The following PPM1H variants were observed in gnomAD, a reference collection of about 807,000 sequenced individuals.
PPM1H encodes the protein protein phosphatase, Mg2+/Mn2+ dependent 1H, also known as protein phosphatase 1H.
A neutral mutation model predicts 54.9 loss-of-function variants in PPM1H; 27 were observed. That is an observed-to-expected ratio of 0.49 (90% CI 0.36 to 0.68). The LOEUF (loss-of-function observed/expected upper bound fraction) is 0.68, where lower values mean the gene tolerates loss of function less well. PPM1H is among the 30% of genes least tolerant of loss of function. PPM1H has a pLI of 0.00. For synonymous variants in PPM1H, 305 were observed against 270.8 expected (o/e 1.13, Z -1.24); for missense variants, 596 against 667.8 (o/e 0.89, Z 1.19).
In PPM1H at chr12:62,647,254, A is replaced by C. The variant is rs1447485883; in HGVS notation, c.*1235T>G. The stretch of plus-strand genomic sequence containing the variant: ...GGGACATGATTCTTTAGAGAAGAGA[A>C]GAGACAGGGAGCACAGCATGAGAAT... On this transcript the variant is annotated 3_prime_UTR_variant, in exon 10 of 10. Coordinates refer to ENST00000228705, the MANE Select transcript of PPM1H (RefSeq NM_020700.2). 1 of 152,272 alleles carries C rather than the reference A, an allele frequency of 6.6e-6. No homozygotes were observed. The highest frequency in any genetic ancestry group is 1.9e-4 in the East Asian group (1 of 5,188). The allele number at this position is 152,272 out of a possible 1,614,324, so 9.4% of individuals were successfully genotyped here.
At position 62,844,268 on chromosome 12, in the gene PPM1H, C is replaced by T. The variant is rs548369935; in HGVS notation, c.246-11989G>A. ...TTAGCAGGGTTCAGCACTTTCTGTA[C>T]AAAGCCAGTATGTAACATTACAGTG... On this transcript the variant is annotated intron_variant, in intron 1 of 9. Coordinates refer to ENST00000228705, the MANE Select transcript of PPM1H (RefSeq NM_020700.2). This position sits in a 1 kb window ranked among gnomAD's most constrained non-coding sequence, Gnocchi z 5.2. Among the ~76,000 whole-genome samples, 10 of 152,242 alleles carry T rather than the reference C, an allele frequency of 6.6e-5. No individual in the cohort carries two copies. Among genetic ancestry groups the T allele is most frequent in the African/African-American group, 2.2e-4 (9 of 41,542 alleles).
chr12:62,654,167 G>A lies in PPM1H; in HGVS notation c.1398-5531C>T, dbSNP rs911907419. ...GGAAGATCTCTAGAGCCTGGGAAGCGAGGCTGTGCCACTGCACTCCAATCT... is the reference window on the plus strand; with the variant it reads ...GGAAGATCTCTAGAGCCTGGGAAGCAAGGCTGTGCCACTGCACTCCAATCT... On this transcript the variant is annotated intron_variant, in intron 9 of 9. Transcript: ENST00000228705. Among the ~76,000 whole-genome samples, 10 of 145,492 alleles carry A rather than the reference G, an allele frequency of 6.9e-5. No individual in the cohort carries two copies. In the East Asian group the frequency reaches 1.4e-3, roughly 21 times the overall value.
At chr12:62,704,959 C>T (rs901622262) in intron 6 of PPM1H, among the ~76,000 whole-genome samples, 1 of 152,132 alleles carries the variant, frequency 6.6e-6, no homozygotes, top group African/African-American at 2.4e-5. Flanking sequence ...CTCTTTTGGC[C>T]TAAAGATTCT....
chr12:62,923,425 A>C (rs1199632455), intron 1 of PPM1H, among the ~76,000 whole-genome samples: 1 of 152,042 alleles, frequency 6.6e-6, no homozygotes, highest in Non-Finnish European at 1.5e-5. Flanking sequence ...TAACAAGACA[A>C]AGTCTCCCTC....
At chr12:62,901,704 TG>T (rs767206841) in intron 1 of PPM1H, among the ~76,000 whole-genome samples, 5 of 152,196 alleles carry the variant, frequency 3.3e-5, no homozygotes, top group Non-Finnish European at 5.9e-5. Flanking sequence ...TTCCTATACA[TG>T]ATAGCCAATT....
chr12:62,828,737 G>T (rs1868316953), intron 2 of PPM1H, among the ~76,000 whole-genome samples: 4 of 152,230 alleles, frequency 2.6e-5, no homozygotes, highest in African/African-American at 4.8e-5. Context: ...TTTTTAAAAA[G>T]CAGCACAAAC....
chr12:62,747,159 G>A (rs549438279), intron 4 of PPM1H, among the ~76,000 whole-genome samples: 2 of 150,536 alleles, frequency 1.3e-5, no homozygotes, highest in African/African-American at 4.9e-5. Context: ...TTTTTGAGAC[G>A]GAGTTTTGCT....
At chr12:62,724,535 C>T (rs1565769406) in intron 5 of PPM1H, among the ~76,000 whole-genome samples, 1 of 152,164 alleles carries the variant, frequency 6.6e-6, no homozygotes, top group Non-Finnish European at 1.5e-5. Flanking sequence ...GCCACCTACC[C>T]TCTCCCTCTG....
At chr12:62,887,997 C>T (rs755893926) in intron 1 of PPM1H, among the ~76,000 whole-genome samples, 31 of 152,046 alleles carry the variant, frequency 2.0e-4, no homozygotes, top group Non-Finnish European at 2.8e-4. Context: ...CAAGCATGAG[C>T]GACATGATCT....
intron 1 of PPM1H, among the ~76,000 whole-genome samples, chr12:62,885,398 T>G (rs1870552924): frequency 6.6e-6 from 1 of 152,150 alleles, no homozygotes; most frequent in Non-Finnish European, 1.5e-5. Context: ...GGCTGCTGCT[T>G]CTTGTCTCTC....
At position 62,648,224 on chromosome 12, in the gene PPM1H, C is replaced by G. The variant is rs932162208; in HGVS notation, c.*265G>C. The stretch of plus-strand genomic sequence containing the variant: ...TATACCCCAAATAGTCAATGGCCAC[C>G]TCGGAGGCCTATGAAAGGAACTGAA... On this transcript the variant is annotated 3_prime_UTR_variant, in exon 10 of 10. Transcript: ENST00000228705. 2.0e-5 allele frequency: 8 copies of G among 395,270 alleles called. No homozygotes were observed. The highest frequency in any genetic ancestry group is 1.6e-4 in the African/African-American group (8 of 50,218). 24.5% of individuals were successfully genotyped at this position (395,270 alleles called of 1,614,324 possible).
intron 4 of PPM1H, among the ~76,000 whole-genome samples, chr12:62,752,772 A>G (rs1010588865): frequency 1.3e-5 from 2 of 152,240 alleles, no homozygotes; most frequent in African/African-American, 4.8e-5. Flanking sequence ...GTCTGTGGAA[A>G]CAGAAAATTC....
chr12:62,917,172 G>A (rs1311523646), intron 1 of PPM1H, among the ~76,000 whole-genome samples: 2 of 152,220 alleles, frequency 1.3e-5, no homozygotes, highest in African/African-American at 2.4e-5. Flanking sequence ...TGGCTGCAGG[G>A]CCACGTATAA....
intron 5 of PPM1H, among the ~76,000 whole-genome samples, chr12:62,721,998 C>A (rs944711238): frequency 6.6e-6 from 1 of 152,044 alleles, no homozygotes; most frequent in African/African-American, 2.4e-5. Context: ...AAACAGGGAG[C>A]CTGTGTTCAA....
intron 4 of PPM1H, among the ~76,000 whole-genome samples, chr12:62,773,264 C>G (rs1385009600): frequency 6.6e-6 from 1 of 152,112 alleles, no homozygotes; most frequent in Non-Finnish European, 1.5e-5. Flanking sequence ...TGCTTGAATC[C>G]AGCAGTTCAA....
At chr12:62,896,425 A>C (rs1870990556) in intron 1 of PPM1H, among the ~76,000 whole-genome samples, 1 of 152,202 alleles carries the variant, frequency 6.6e-6, no homozygotes, top group African/African-American at 2.4e-5. Flanking sequence ...CAACCCCATC[A>C]AAAAGTGGGC....
chr12:62,924,858 A>G (rs750182954), intron 1 of PPM1H, among the ~76,000 whole-genome samples: 1 of 152,040 alleles, frequency 6.6e-6, no homozygotes, highest in Non-Finnish European at 1.5e-5. Context: ...CCTAGCCAAC[A>G]TGGCAAAACC....
At chr12:62,932,352 T>C (rs1208383566) in intron 1 of PPM1H, among the ~76,000 whole-genome samples, 1 of 152,136 alleles carries the variant, frequency 6.6e-6, no homozygotes, top group East Asian at 1.9e-4. Flanking sequence ...ACTCTGAAAT[T>C]CGTTCTTTCC....
intron 1 of PPM1H, among the ~76,000 whole-genome samples, chr12:62,887,772 A>T (rs1216932752): frequency 3.3e-5 from 5 of 152,242 alleles, no homozygotes; most frequent in Non-Finnish European, 5.9e-5. Context: ...ATGGAGGGCC[A>T]CAAAGAGCAC....
Sources: gnomAD v4.1 joint callset for allele counts (sites outside exome capture counted in the v4.1 genomes callset) on GRCh38, gnomAD v4.1.1 for gene constraint, Gnocchi (gnomAD v3.1) non-coding constraint, MANE v1.5 for transcripts, NCBI Gene and HGNC (gene_info 2026-07-23, HGNC 2026-07-21) for gene names.